ZFP30: variants seen among roughly 807,000 people sequenced by gnomAD.
ZFP30 encodes the protein ZFP30 zinc finger protein, also known as zinc finger protein 30 homolog.
ZFP30 carries 16 observed loss-of-function variants against 12.3 expected under a neutral mutation model. The ratio of observed to expected loss-of-function variants is 1.30; its 90% CI spans 0.88 to 1.98. The LOEUF is 1.98. Among genes scored for constraint, ZFP30 ranks in the 30% most tolerant of loss-of-function variants. The probability of loss-of-function intolerance (pLI) is 0.00; values close to 1 mark genes in which losing one functional copy is unlikely to be tolerated. For synonymous variants in ZFP30, 172 were observed against 201.0 expected, an observed-to-expected ratio of 0.86 and a Z score of 1.22; for missense variants, 560 against 611.2, an observed-to-expected ratio of 0.92 and a Z score of 0.88.
In ZFP30 at chr19:37,633,409, A is replaced by G. The variant is rs1420128793; in HGVS notation, c.*1572T>C. 6.6e-6 allele frequency: 1 copy of G among 152,200 alleles called. No homozygotes were observed. Among genetic ancestry groups the G allele is most frequent in the Admixed American group, 6.5e-5 (1 of 15,270 alleles). 9.4% of individuals were successfully genotyped at this position (152,200 alleles called of 1,614,324 possible). On this transcript the variant is annotated 3_prime_UTR_variant, in exon 6 of 6. Transcript: ENST00000684514. ...GCTCTTGTTGCCCAGGCTGGAGTGCAATGGCGTGATCTCGGCTCACTGCAA... is the reference window on the plus strand; with the variant it reads ...GCTCTTGTTGCCCAGGCTGGAGTGCGATGGCGTGATCTCGGCTCACTGCAA...
Position 37,643,313 on chromosome 19 carries a change from T to C in ZFP30, c.187A>G (p.Lys63Glu). Reference protein sequence around the residue: ...PDVITLLEQGKEPWMVVRDEK... With the variant: ...PDVITLLEQGEEPWMVVRDEK... ...TCCCTCACAACCATCCAGGGCTCTT[T>C]CCCTTGTTCCAATAGGGTGATCACA... is the stretch of plus-strand genomic sequence containing the variant. Residue 63 changes from lysine (K) to glutamate (E), a missense_variant, in exon 5 of 6, where the codon AAA becomes GAA. Transcript: ENST00000684514. 1.2e-6 allele frequency: 2 copies of C among 1,611,066 alleles called. No individual in the cohort carries two copies. The highest frequency in any genetic ancestry group is 1.7e-6 in the Non-Finnish European group (2 of 1,178,806).
rs754237524 is a variant in ZFP30, at chr19:37,635,522, T to C, written c.1019A>G (p.Gln340Arg). The part of the protein sequence containing the change: ...ECGKAFRVRQ[Q>R]LTLHQRIHTG... ...GTGAATTCTCTGATGGAGAGTAAGTTGCTGCCGCACTCTAAAGGCCTTTCC... is the reference window on the plus strand; with the variant it reads ...GTGAATTCTCTGATGGAGAGTAAGTCGCTGCCGCACTCTAAAGGCCTTTCC... Residue 340 changes from glutamine (Q) to arginine (R), a missense_variant, in exon 6 of 6, where the codon CAA (glutamine) becomes CGA (arginine). By Grantham distance (43) the Gln-to-Arg change is conservative (BLOSUM62 1). Coordinates refer to ENST00000684514, the MANE Select transcript of ZFP30 (RefSeq NM_001320669.3). 3.1e-6 allele frequency: 5 copies of C among 1,614,044 alleles called. No homozygotes were observed. In the Admixed American group the frequency reaches 8.3e-5, roughly 27 times the overall value.
At chr19:37,648,860 T>G (rs906152453) in intron 2 of ZFP30, among the ~76,000 whole-genome samples, 2 of 152,292 alleles carry the variant, frequency 1.3e-5, no homozygotes, top group Non-Finnish European at 2.9e-5. Flanking sequence ...ATTGCCTGCA[T>G]GATCTCAATT....
chr19:37,635,337 C>T lies in ZFP30; in HGVS notation c.1204G>A (p.Gly402Ser), dbSNP rs2044299427. ...TAAGGTTTCTCTCCAATGTGAATAC[C>T]CTGATGTGAAATAAGTTCTGAGTAA... ...RRYSELISHQ[G>S]IHIGEKPYEC... Residue 402 changes from glycine (G) to serine (S), a missense_variant, in exon 6 of 6, where the codon GGT becomes AGT. Physicochemically the swap from Gly to Ser is moderately conservative, Grantham distance 56. Transcript: ENST00000684514. The T allele has an allele frequency of 4.4e-6, 7 of 1,605,988 alleles. No homozygotes were observed. The highest frequency in any genetic ancestry group is 5.9e-6 in the Non-Finnish European group (7 of 1,176,706).
chr19:37,650,158 C>T lies in ZFP30; in HGVS notation c.-77-2259G>A, dbSNP rs895664908. On this transcript the variant is annotated intron_variant, in intron 2 of 5. Transcript: ENST00000684514. ...TTTTTTAGGCAGGCTTTTGCTCTGT[C>T]GCTCAGGCTAAAGTGCAATCTCGGA... 4.0e-5 allele frequency among the ~76,000 whole-genome samples: 6 copies of T among 151,126 alleles called. No homozygotes were observed. In the South Asian group the frequency reaches 1.0e-3, roughly 26 times the overall value.
At chr19:37,650,738 CTTT>C (rs34780474) in intron 2 of ZFP30, among the ~76,000 whole-genome samples, 2 of 142,824 alleles carry the variant, frequency 1.4e-5, no homozygotes, top group Non-Finnish European at 1.5e-5. Flanking sequence ...TTTTCTTTTC[CTTT>C]TTTTTTTTTT....
intron 2 of ZFP30, among the ~76,000 whole-genome samples, chr19:37,651,929 G>GA (rs36018812): frequency 0.073 from 10,976 of 150,510 alleles, 565 homozygotes; most frequent in African/African-American, 0.14. Flanking sequence ...TACACTGAAA[G>GA]AAAAAAAAAG....
Position 37,644,614 on chromosome 19 carries a change from T to C in ZFP30, c.132A>G (p.Ser44=), listed in dbSNP as rs1414102256. 6.2e-7 allele frequency: 1 copy of C among 1,603,258 alleles called. No individual in the cohort carries two copies. Among genetic ancestry groups the C allele is most frequent in the Admixed American group, 1.7e-5 (1 of 57,952 alleles). The change falls in exon 4 of 6, where the codon TCA becomes TCG. Residue 44 remains serine (S), a synonymous_variant. Transcript: ENST00000684514. ...ACACAGATATGCTAGGCTTACCCAG[T>C]GACACCAAGTTGCTATAGTTCTCTA... ...VILENYSNLV[S]LAGCSISKPD...
At chr19:37,638,728 T>A (rs1230728520) in intron 5 of ZFP30, among the ~76,000 whole-genome samples, 1 of 152,152 alleles carries the variant, frequency 6.6e-6, no homozygotes, top group East Asian at 1.9e-4. Flanking sequence ...AAACTAGACA[T>A]ACAACAATCT....
chr19:37,644,930 G>A (rs972588513), intron 3 of ZFP30, among the ~76,000 whole-genome samples, 194 bp from the exon 4 acceptor site: 13 of 151,946 alleles, frequency 8.6e-5, no homozygotes, highest in East Asian at 7.8e-4. Flanking sequence ...AAAAAAGGCC[G>A]GCGCGGTGGC....
chr19:37,639,818 G>A (rs1227069258), intron 5 of ZFP30, among the ~76,000 whole-genome samples: 1 of 151,010 alleles, frequency 6.6e-6, no homozygotes, highest in Non-Finnish European at 1.5e-5. Context: ...AAAATTGCCA[G>A]TGTTGATAAG....
chr19:37,655,469 G>GGA (rs2044739735), upstream of ZFP30: 1 of 152,418 alleles, frequency 6.6e-6, no homozygotes, highest in South Asian at 2.1e-4. Flanking sequence ...CCAGAATACG[G>GGA]GAGAGCGCCT....
chr19:37,653,170 T>A (rs1239588337), intron 2 of ZFP30, among the ~76,000 whole-genome samples: 1 of 150,540 alleles, frequency 6.6e-6, no homozygotes, highest in Non-Finnish European at 1.5e-5. Context: ...AAACAGGCCC[T>A]GCATAAATGG....
Position 37,633,743 on chromosome 19 carries a change from C to T in ZFP30, c.*1238G>A, listed in dbSNP as rs1349890954. ...AACATCATGGAAAATTTTAAATACACAAAAGTAGAATAGCAAAAACAAAAC... is the reference window on the plus strand; with the variant it reads ...AACATCATGGAAAATTTTAAATACATAAAAGTAGAATAGCAAAAACAAAAC... On this transcript the variant is annotated 3_prime_UTR_variant, in exon 6 of 6. Coordinates refer to ENST00000684514, the MANE Select transcript of ZFP30 (RefSeq NM_001320669.3). 1 of 152,038 alleles carries T rather than the reference C, an allele frequency of 6.6e-6. No homozygotes were observed. The highest frequency in any genetic ancestry group is 1.5e-5 in the Non-Finnish European group (1 of 67,998). The allele number at this position is 152,038 out of a possible 1,614,324, so 9.4% of individuals were successfully genotyped here. A position where few individuals can be genotyped will look rare whatever the true frequency, so the allele number is the denominator to read the frequency against.
intron 2 of ZFP30, among the ~76,000 whole-genome samples, chr19:37,649,653 A>C (rs1016158893): frequency 1.3e-5 from 2 of 151,970 alleles, no homozygotes; most frequent in Non-Finnish European, 2.9e-5. Flanking sequence ...CCAACATGGC[A>C]AAACTCCATC....
chr19:37,655,352 A>C (rs2044734272), intron 1 of ZFP30, 68 bp downstream of exon 1: 1 of 152,348 alleles, frequency 6.6e-6, no homozygotes, highest in Non-Finnish European at 1.5e-5. Context: ...AACCTGGCCC[A>C]CTCCGCGCTC....
intron 5 of ZFP30, among the ~76,000 whole-genome samples, chr19:37,639,221 A>G (rs991769141): frequency 1.3e-5 from 2 of 152,202 alleles, no homozygotes; most frequent in Non-Finnish European, 2.9e-5. Context: ...GATATAAGTG[A>G]TATTAATAAA....
chr19:37,637,734 C>A (rs191062464), intron 5 of ZFP30, among the ~76,000 whole-genome samples: 219 of 151,870 alleles, frequency 1.4e-3, no homozygotes, highest in African/African-American at 5.1e-3. Context: ...GTGATCTGCC[C>A]GCCTCAGCCT....
rs2044275348 is a variant in ZFP30 at position 37,633,957 on chromosome 19, TTTC to T, written c.*1021_*1023del. On this transcript the variant is annotated 3_prime_UTR_variant, in exon 6 of 6. Transcript: ENST00000684514. The stretch of plus-strand genomic sequence containing the variant: ...AATGCTATTATCACACATAACAAAG[TTTC>T]TTAATATTATCTAATATTGTCAATA... 1.3e-5 allele frequency: 2 copies of T among 152,162 alleles called. No individual in the cohort carries two copies. The highest frequency in any genetic ancestry group is 2.1e-4 in the South Asian group (1 of 4,830). 9.4% of individuals were successfully genotyped at this position (152,162 alleles called of 1,614,324 possible). A position where few individuals can be genotyped will look rare whatever the true frequency, so the allele number is the denominator to read the frequency against.
Sources: allele counts gnomAD v4.1 joint callset (sites outside exome capture counted in the v4.1 genomes callset), GRCh38; gene constraint gnomAD v4.1.1; transcripts MANE v1.5; gene names NCBI Gene and HGNC (gene_info 2026-07-23, HGNC 2026-07-21).